CSMD3: variants seen among roughly 807,000 people sequenced by gnomAD.
The protein encoded by CSMD3 is CUB and sushi domain-containing protein 3.
In CSMD3, 177 loss-of-function variants were observed where a neutral mutation model predicts 435.2. The ratio of observed to expected loss-of-function variants is 0.41; its 90% confidence interval spans 0.36 to 0.46. The LOEUF is 0.46. Among genes scored for constraint, CSMD3 ranks in the 20% least tolerant of loss-of-function variants. The pLI, the probability that CSMD3 is intolerant of heterozygous loss-of-function variation, is 0.34. For missense variants in CSMD3, 4,265 were observed against 4,504.6 expected, an observed-to-expected ratio of 0.95 and a Z score of 1.52; for synonymous variants, 1,656 against 1,520.5, an observed-to-expected ratio of 1.09 and a Z score of -2.07.
intron 1 of CSMD3, among the ~76,000 whole-genome samples, chr8:113,421,476 A>C (rs2129948527): frequency 6.6e-6 from 1 of 152,336 alleles, no homozygotes; most frequent in South Asian, 2.1e-4. Context: ...TCTGTGCTTA[A>C]AAATCCAACT....
intron 7 of CSMD3, among the ~76,000 whole-genome samples, chr8:112,972,579 A>T (rs1393416355): frequency 6.6e-6 from 1 of 152,056 alleles, no homozygotes; most frequent in Non-Finnish European, 1.5e-5. Context: ...TATTTAAAAA[A>T]AACTGGTATT....
At chr8:113,185,712 T>C (rs1446852878) in intron 3 of CSMD3, among the ~76,000 whole-genome samples, 3 of 152,092 alleles carry the variant, frequency 2.0e-5, no homozygotes, top group Non-Finnish European at 4.4e-5. Flanking sequence ...CAAATCTGTA[T>C]ATTTTGGTGT....
chr8:112,633,155 C>T (rs1353378852), intron 22 of CSMD3, among the ~76,000 whole-genome samples: 4 of 151,920 alleles, frequency 2.6e-5, no homozygotes, highest in Admixed American at 2.6e-4. Flanking sequence ...GATTATTCTC[C>T]TGCTTCTACA....
Position 112,556,772 on chromosome 8 carries a change from A to C in CSMD3, c.4225T>G (p.Ser1409Ala). ...TATGACAGTATCCTACCAATACAGG[A>C]AGGCAGAGGATAGTCCCATGCCCTT... The part of the protein sequence containing the change: ...ERRAWDYPLP[S>A]CIAECGGRFK... The change falls in exon 25 of 71, where the codon TCC becomes GCC. Residue 1409 changes from serine to alanine, a missense_variant. Ser to Ala is a moderately conservative substitution (Grantham distance 99). This residue lies in a region of CSMD3 where 3,255 missense variants were observed against 3,380.2 expected (regional missense o/e 0.96). Coordinates refer to ENST00000297405, the MANE Select transcript of CSMD3 (RefSeq NM_198123.2). 6.2e-7 allele frequency: 1 copy of C among 1,606,900 alleles called. No homozygotes were observed. Among genetic ancestry groups the C allele is most frequent in the Non-Finnish European group, 8.5e-7 (1 of 1,173,922 alleles).
At chr8:113,039,221 C>T (rs777955378) in intron 5 of CSMD3, among the ~76,000 whole-genome samples, 1 of 151,742 alleles carries the variant, frequency 6.6e-6, no homozygotes, top group Non-Finnish European at 1.5e-5. Flanking sequence ...GCATTTTTTC[C>T]TACCAGTTTG....
chr8:113,391,665 T>C (rs975971677), intron 1 of CSMD3, among the ~76,000 whole-genome samples: 1 of 151,944 alleles, frequency 6.6e-6, no homozygotes, highest in Non-Finnish European at 1.5e-5. Context: ...GAATGTCAGA[T>C]GTGAGAATGA....
intron 27 of CSMD3, among the ~76,000 whole-genome samples, chr8:112,528,971 TAGGGG>T (rs1825258214): frequency 1.3e-5 from 2 of 152,056 alleles, no homozygotes; most frequent in Non-Finnish European, 2.9e-5. Flanking sequence ...AGATGGAAGC[TAGGGG>T]CAATTGATGC....
chr8:112,411,649 A>C (rs1056825675), intron 32 of CSMD3, among the ~76,000 whole-genome samples: 1 of 152,192 alleles, frequency 6.6e-6, no homozygotes, highest in Admixed American at 6.6e-5. Flanking sequence ...TTGTCTCATT[A>C]AACTGATATA....
chr8:113,295,138 C>T (rs545759886), intron 2 of CSMD3, among the ~76,000 whole-genome samples: 3 of 152,122 alleles, frequency 2.0e-5, no homozygotes, highest in African/African-American at 7.2e-5. Context: ...GTAAATGGGA[C>T]ATTCATCACC....
intron 3 of CSMD3, among the ~76,000 whole-genome samples, chr8:113,252,509 T>C (rs1011562927): frequency 3.9e-5 from 6 of 152,114 alleles, no homozygotes; most frequent in Non-Finnish European, 8.8e-5. Flanking sequence ...CTTTCAGATA[T>C]CTTTCTTTCT....
At position 112,552,728 on chromosome 8, in the gene CSMD3, A is replaced by C; in HGVS notation, c.4235-8T>G. ...AACGACCTCCACATTCAGCTGATAA[A>C]AAATAATAGAAATTTAAGCCACAAT... On this transcript the variant is annotated splice_region_variant and splice_polypyrimidine_tract_variant and intron_variant, in intron 25 of 70. Coordinates refer to ENST00000297405, the MANE Select transcript of CSMD3 (RefSeq NM_198123.2). The C allele has an allele frequency of 1.9e-6, 3 of 1,609,700 alleles. No individual in the cohort carries two copies. The highest frequency in any genetic ancestry group is 2.5e-6 in the Non-Finnish European group (3 of 1,177,612).
At chr8:112,650,613 G>T (rs973849990) in intron 18 of CSMD3, among the ~76,000 whole-genome samples, 2 of 151,986 alleles carry the variant, frequency 1.3e-5, no homozygotes, top group African/African-American at 4.8e-5. Flanking sequence ...TATAAATTTT[G>T]TGTATATATA....
chr8:112,977,395 A>G (rs1257483328), intron 6 of CSMD3, among the ~76,000 whole-genome samples: 1 of 152,060 alleles, frequency 6.6e-6, no homozygotes, highest in Non-Finnish European at 1.5e-5. Flanking sequence ...TTAGATAACA[A>G]TGCTAGGGAT....
intron 16 of CSMD3, among the ~76,000 whole-genome samples, chr8:112,676,328 A>G (rs936565528): frequency 3.3e-5 from 5 of 152,098 alleles, no homozygotes; most frequent in African/African-American, 1.2e-4. Flanking sequence ...CATATCCAAA[A>G]TGTAGCTCTG....
intron 3 of CSMD3, among the ~76,000 whole-genome samples, chr8:113,275,026 T>C (rs1015405569): frequency 1.4e-3 from 208 of 152,180 alleles, no homozygotes; most frequent in African/African-American, 4.6e-3. Flanking sequence ...AAATATACTG[T>C]ATGTCCCCAT....
chr8:113,108,554 A>G (rs1451428135), intron 4 of CSMD3, among the ~76,000 whole-genome samples: 1 of 152,210 alleles, frequency 6.6e-6, no homozygotes, highest in Non-Finnish European at 1.5e-5. Context: ...AGAAAGGGCA[A>G]CATAACTATT....
At chr8:113,001,749 C>T (rs557027710) in intron 6 of CSMD3, among the ~76,000 whole-genome samples, 55 of 152,116 alleles carry the variant, frequency 3.6e-4, no homozygotes, top group Non-Finnish European at 6.6e-4. Context: ...TCATTTTTTT[C>T]CTCATCAATG....
chr8:112,848,147 A>G (rs553595005), intron 11 of CSMD3, among the ~76,000 whole-genome samples: 1 of 152,164 alleles, frequency 6.6e-6, no homozygotes, highest in African/African-American at 2.4e-5. Flanking sequence ...TTCAACAGAA[A>G]TCAAATCTAT....
chr8:112,432,150 G>A (rs942899364), intron 32 of CSMD3, among the ~76,000 whole-genome samples: 5 of 152,202 alleles, frequency 3.3e-5, no homozygotes, highest in African/African-American at 1.2e-4. Context: ...GCAAGGCAGA[G>A]GGTAAAGCTA....
Sources: gnomAD v4.1 joint callset for allele counts (sites outside exome capture counted in the v4.1 genomes callset) on GRCh38, gnomAD v4.1.1 for gene constraint, gnomAD v4.1.1 regional missense constraint, MANE v1.5 for transcripts, NCBI Gene and HGNC (gene_info 2026-07-23, HGNC 2026-07-21) for gene names.